The following MT4 variants were observed in gnomAD, a reference collection of about 807,000 sequenced individuals.
MT4 encodes the protein metallothionein 4, also known as metallothionein-4.
In MT4, 11 loss-of-function variants were observed where a neutral mutation model predicts 9.5. That is an observed-to-expected ratio of 1.16 (90% confidence interval 0.73 to 1.92). The LOEUF is 1.92. Among genes scored for constraint, MT4 ranks in the 30% most tolerant of loss-of-function variants. The probability of loss-of-function intolerance (pLI) is 0.00; values close to 1 mark genes in which losing one functional copy is unlikely to be tolerated. For missense variants in MT4, 88 were observed against 78.7 expected (o/e 1.12, Z -0.45); for synonymous variants, 29 against 24.6 (o/e 1.18, Z -0.53).
intron 2 of MT4, among the ~76,000 whole-genome samples, chr16:56,568,275 AAG>A (rs1472791995): frequency 4.3e-5 from 4 of 93,528 alleles, no homozygotes; most frequent in African/African-American, 1.8e-4. Flanking sequence ...GAGAGAGAGA[AAG>A]AAAGAAAGAA....
chr16:56,567,891 G>T (rs1416696732), intron 2 of MT4, 75 bp downstream of exon 2: 24 of 1,281,810 alleles, frequency 1.9e-5, no homozygotes, highest in Non-Finnish European at 2.7e-5. Context: ...AGTGGCTCAC[G>T]TCTGTAATCC....
intron 1 of MT4, among the ~76,000 whole-genome samples, chr16:56,567,326 G>C (rs183566455): frequency 1.3e-5 from 2 of 152,218 alleles, no homozygotes; most frequent in Non-Finnish European, 2.9e-5. Flanking sequence ...GCCTAGCCAA[G>C]AGGGTGTGAA....
Position 56,568,944 on chromosome 16 carries a change from C to A in MT4, c.*12C>A. The A allele has an allele frequency of 6.3e-7, 1 of 1,585,566 alleles. No homozygotes were observed. The highest frequency in any genetic ancestry group is 8.6e-7 in the Non-Finnish European group (1 of 1,165,414). On this transcript the variant is annotated 3_prime_UTR_variant, in exon 3 of 3. Transcript: ENST00000219162. ...GCTGCTGCCCATGAAAGCCATCCATCGTGCCCACCCCTTCCAAGGAGAGAA... is the reference window on the plus strand; with the variant it reads ...GCTGCTGCCCATGAAAGCCATCCATAGTGCCCACCCCTTCCAAGGAGAGAA...
At chr16:56,568,213 G>A (rs142584150) in intron 2 of MT4, among the ~76,000 whole-genome samples, 3,138 of 43,786 alleles carry the variant, frequency 0.072, 144 homozygotes, top group South Asian at 0.12. Flanking sequence ...GAGAGAGAGA[G>A]AGAAAGAAAG....
At position 56,568,927 on chromosome 16, in the gene MT4, C is replaced by A; in HGVS notation, c.184C>A (p.Pro62Thr). Residue 62 changes from proline (P) to threonine (T), a missense_variant, in exon 3 of 3, where the codon CCA (proline) becomes ACA (threonine). Coordinates refer to ENST00000219162, the MANE Select transcript of MT4 (RefSeq NM_032935.3). ...AGGCTCAGACAAGTGCAGCTGCTGCCCATGAAAGCCATCCATCGTGCCCAC... is the reference window on the plus strand; with the variant it reads ...AGGCTCAGACAAGTGCAGCTGCTGCACATGAAAGCCATCCATCGTGCCCAC... Reference protein sequence around the residue: ...KGGSDKCSCCP With the variant: ...KGGSDKCSCCT The A allele has an allele frequency of 6.3e-7, 1 of 1,599,560 alleles. No homozygotes were observed. Among genetic ancestry groups the A allele is most frequent in the Non-Finnish European group, 8.5e-7 (1 of 1,172,362 alleles).
intron 2 of MT4, 147 bp from the exon 3 acceptor site, chr16:56,568,694 A>G: frequency 1.8e-6 from 1 of 570,864 alleles, no homozygotes; most frequent in Non-Finnish European, 3.1e-6. Context: ...ACATGCCTCA[A>G]CCTCCTATCT....
At chr16:56,565,987 C>T (rs180838935) in intron 1 of MT4, among the ~76,000 whole-genome samples, 45 of 151,604 alleles carry the variant, frequency 3.0e-4, no homozygotes, top group Middle Eastern at 3.4e-3. Flanking sequence ...TCACTTGAGC[C>T]CAGGAGTTCG....
intron 2 of MT4, among the ~76,000 whole-genome samples, chr16:56,568,225 A>G (rs376005229): frequency 5.1e-3 from 142 of 27,864 alleles, no homozygotes; most frequent in Non-Finnish European, 8.5e-3. Flanking sequence ...GAAAGAAAGA[A>G]AGAAAGAAAG....
At position 56,568,869 on chromosome 16, in the gene MT4, T is replaced by C; in HGVS notation, c.126T>C (p.Cys42=). 1 of 1,608,800 alleles carries C rather than the reference T, an allele frequency of 6.2e-7. No homozygotes were observed. The highest frequency in any genetic ancestry group is 8.5e-7 in the Non-Finnish European group (1 of 1,177,302). ...KSCCPCCPPG[C]AKCARGCICK... The stretch of plus-strand genomic sequence containing the variant: ...GCTGTCCCTGCTGCCCCCCGGGCTG[T>C]GCCAAATGTGCCCGGGGCTGCATCT... Residue 42 remains cysteine (C), a synonymous_variant, in exon 3 of 3, where the codon TGT becomes TGC. Coordinates refer to ENST00000219162, the MANE Select transcript of MT4 (RefSeq NM_032935.3).
chr16:56,565,923 G>A (rs912330095), intron 1 of MT4, among the ~76,000 whole-genome samples: 12 of 151,870 alleles, frequency 7.9e-5, no homozygotes, highest in African/African-American at 2.9e-4. Context: ...AACTTAGCTG[G>A]GCGTAGTAGG....
At chr16:56,567,006 G>A (rs553590622) in intron 1 of MT4, among the ~76,000 whole-genome samples, 4 of 152,074 alleles carry the variant, frequency 2.6e-5, no homozygotes, top group African/African-American at 4.8e-5. Context: ...AAGGTGACAC[G>A]GGTGTGAAAG....
chr16:56,566,629 GGA>G (rs148872226), intron 1 of MT4, among the ~76,000 whole-genome samples: 4 of 142,970 alleles, frequency 2.8e-5, no homozygotes, highest in Admixed American at 7.3e-5. Context: ...GGAGAAAGGG[GGA>G]GAGAGAGAGA....
At chr16:56,566,722 GAAAGAAAGAAA>G (rs1959526064) in intron 1 of MT4, among the ~76,000 whole-genome samples, 196 of 48,496 alleles carry the variant, frequency 4.0e-3, no homozygotes, top group East Asian at 0.022. Context: ...AAGAAAGAAA[GAAAGAAAGAAA>G]GAAAGAAAGA....
rs1959587231 is a variant in MT4 at position 56,568,847 on chromosome 16, G to A, written c.104G>A (p.Cys35Tyr). ...CATCTCCTGACTCTTTCAGGCTGCT[G>A]TCCCTGCTGCCCCCCGGGCTGTGCC... is the stretch of plus-strand genomic sequence containing the variant. Reference protein sequence around the residue: ...CNCKTYWKSCCPCCPPGCAKC... With the variant: ...CNCKTYWKSCYPCCPPGCAKC... The change falls in exon 3 of 3, where the codon TGT (cysteine) becomes TAT (tyrosine). Residue 35 changes from cysteine to tyrosine, a missense_variant. Coordinates refer to ENST00000219162, the MANE Select transcript of MT4 (RefSeq NM_032935.3). 5.6e-6 allele frequency: 9 copies of A among 1,601,740 alleles called. No homozygotes were observed. Among genetic ancestry groups the A allele is most frequent in the African/African-American group, 1.3e-5 (1 of 74,528 alleles).
In MT4 at chr16:56,567,739, C is replaced by T. The variant is rs558200573; in HGVS notation, c.32-12C>T. ...ATCCTCACGTTTGTGGTGGCTCTGT[C>T]CTGTCTTCTAGGAGGAATCTGCATG... is the stretch of plus-strand genomic sequence containing the variant. On this transcript the variant is annotated splice_polypyrimidine_tract_variant and intron_variant, in intron 1 of 2. Transcript: ENST00000219162. The T allele has an allele frequency of 7.9e-5, 127 of 1,612,596 alleles. 1 individual carries two copies. The Admixed American group carries it at 1.0e-3, about 13-fold the overall frequency.
intron 1 of MT4, 52 bp downstream of exon 1, chr16:56,565,211 C>G: frequency 6.3e-7 from 1 of 1,585,840 alleles, no homozygotes; most frequent in Non-Finnish European, 8.6e-7. Context: ...CAGCTTCCTA[C>G]AGGGAGCCTG....
At chr16:56,566,369 T>G (rs563413760) in intron 1 of MT4, among the ~76,000 whole-genome samples, 2 of 151,866 alleles carry the variant, frequency 1.3e-5, no homozygotes, top group Admixed American at 6.6e-5. Context: ...TACAAAAACT[T>G]TAAACAATTA....
intron 2 of MT4, among the ~76,000 whole-genome samples, chr16:56,568,257 A>AAGAAAGAGAGAGAGAG: frequency 1.2e-5 from 1 of 83,290 alleles, no homozygotes; most frequent in East Asian, 3.8e-4. Flanking sequence ...GAAAGAAAGA[A>AAGAAAGAGAGAGAGAG]AGAGAGAGAG....
At chr16:56,568,275 A>AGAGAGAG (rs1410311513) in intron 2 of MT4, among the ~76,000 whole-genome samples, 4 of 93,594 alleles carry the variant, frequency 4.3e-5, no homozygotes, top group East Asian at 3.1e-4. Context: ...GAGAGAGAGA[A>AGAGAGAG]AGAAAGAAAG....
Sources: gnomAD v4.1 joint callset for allele counts (sites outside exome capture counted in the v4.1 genomes callset) on GRCh38, gnomAD v4.1.1 for gene constraint, MANE v1.5 for transcripts, NCBI Gene and HGNC (gene_info 2026-07-23, HGNC 2026-07-21) for gene names.